The following SLCO6A1 variants were observed in gnomAD, a reference collection of about 807,000 sequenced individuals.
SLCO6A1 encodes the protein cancer/testis antigen 48.
Under a neutral mutation model 72.7 loss-of-function variants are expected in SLCO6A1, and 65 were observed. The observed-to-expected ratio is 0.89, with a 90% confidence interval of 0.73 to 1.10. The LOEUF (loss-of-function observed/expected upper bound fraction) is 1.10. Ranked by LOEUF, SLCO6A1 falls within the 50% of genes least tolerant of loss-of-function variation. SLCO6A1 has a pLI of 0.00. For synonymous variants in SLCO6A1, 314 were observed against 298.2 expected, an observed-to-expected ratio of 1.05 and a Z score of -0.55; for missense variants, 874 against 872.6, an observed-to-expected ratio of 1.00 and a Z score of -0.02.
At chr5:102,497,843 A>G (rs1210418610) in intron 1 of SLCO6A1, among the ~76,000 whole-genome samples, 1 of 152,234 alleles carries the variant, frequency 6.6e-6, no homozygotes, top group Non-Finnish European at 1.5e-5. Context: ...CTACAAGATT[A>G]GAAATTAAGG....
At chr5:102,460,912 A>G (rs1302808100) in intron 4 of SLCO6A1, among the ~76,000 whole-genome samples, 1 of 5,988 alleles carries the variant, frequency 1.7e-4, no homozygotes, top group South Asian at 4.1e-3. Context: ...ATATATATAT[A>G]TATATATATA....
chr5:102,456,324 T>C (rs1282123851), intron 6 of SLCO6A1, among the ~76,000 whole-genome samples: 1 of 152,178 alleles, frequency 6.6e-6, no homozygotes, highest in African/African-American at 2.4e-5. Flanking sequence ...TTGTCCCTGT[T>C]TGCAGATGAC....
intron 1 of SLCO6A1, among the ~76,000 whole-genome samples, chr5:102,480,897 T>C (rs1752162158): frequency 6.6e-6 from 1 of 152,228 alleles, no homozygotes; most frequent in Non-Finnish European, 1.5e-5. Flanking sequence ...ATTTAAAGTT[T>C]ACCAGTTTTT....
chr5:102,376,057 A>C (rs1745770126), intron 12 of SLCO6A1, among the ~76,000 whole-genome samples: 1 of 152,158 alleles, frequency 6.6e-6, no homozygotes, highest in East Asian at 1.9e-4. Flanking sequence ...AATCCAAATA[A>C]AAAGACATAT....
chr5:102,483,123 C>T (rs909521535), intron 1 of SLCO6A1, among the ~76,000 whole-genome samples: 4 of 151,664 alleles, frequency 2.6e-5, no homozygotes, highest in South Asian at 2.1e-4. Flanking sequence ...GGCTAATATT[C>T]GTATCTATCT....
intron 1 of SLCO6A1, among the ~76,000 whole-genome samples, chr5:102,486,794 T>C (rs1043846181): frequency 1.3e-4 from 20 of 152,108 alleles, no homozygotes; most frequent in African/African-American, 4.8e-4. Context: ...ACCCAAAAAT[T>C]CGTGTAAATA....
At chr5:102,431,041 G>A (rs1370437629) in intron 7 of SLCO6A1, among the ~76,000 whole-genome samples, 1 of 151,990 alleles carries the variant, frequency 6.6e-6, no homozygotes, top group Non-Finnish European at 1.5e-5. Flanking sequence ...ATGTGTCCAG[G>A]AATTTATTCA....
intron 4 of SLCO6A1, among the ~76,000 whole-genome samples, chr5:102,463,180 C>T (rs1751131008): frequency 6.6e-6 from 1 of 152,082 alleles, no homozygotes; most frequent in Admixed American, 6.6e-5. Flanking sequence ...CTCAATATCA[C>T]TGATTATCAA....
chr5:102,439,095 A>G (rs1749703987), intron 6 of SLCO6A1, among the ~76,000 whole-genome samples: 1 of 151,964 alleles, frequency 6.6e-6, no homozygotes, highest in African/African-American at 2.4e-5. Context: ...TTAACCATAT[A>G]TCTAGAATTT....
chr5:102,382,739 C>A (rs1746177607), intron 12 of SLCO6A1, among the ~76,000 whole-genome samples: 1 of 151,240 alleles, frequency 6.6e-6, no homozygotes, highest in African/African-American at 2.4e-5. Context: ...TCTTTTTTGA[C>A]ACTACCATAA....
chr5:102,378,885 G>A (rs1745957650), intron 12 of SLCO6A1, among the ~76,000 whole-genome samples: 1 of 152,014 alleles, frequency 6.6e-6, no homozygotes, highest in African/African-American at 2.4e-5. Flanking sequence ...GGGTTCAAGA[G>A]ATTCTCCTGC....
At chr5:102,468,396 G>A (rs1408867187) in intron 4 of SLCO6A1, among the ~76,000 whole-genome samples, 3 of 151,996 alleles carry the variant, frequency 2.0e-5, no homozygotes, top group Non-Finnish European at 4.4e-5. Context: ...TTGACTTTCT[G>A]TCTTGATGAC....
intron 8 of SLCO6A1, 82 bp downstream of exon 8, chr5:102,419,744 A>G (rs183799632): frequency 5.6e-6 from 6 of 1,069,894 alleles, no homozygotes; most frequent in Non-Finnish European, 8.1e-6. Context: ...TATAAGGGTT[A>G]CTGGATAGAT....
At position 102,491,016 on chromosome 5, in the gene SLCO6A1, T is replaced by G. The variant is rs565179143; in HGVS notation, c.358+7471A>C. On this transcript the variant is annotated intron_variant, in intron 1 of 13. Coordinates refer to ENST00000506729, the MANE Select transcript of SLCO6A1 (RefSeq NM_173488.5). ...CCATTTTACAGAGAGCCGAGTGGTC[T>G]GTTTTGGCAGGGCGCTGATTGGTGC... Among the ~76,000 whole-genome samples the G allele has an allele frequency of 1.1e-4, 17 of 152,272 alleles. No homozygotes were observed. In the East Asian group the frequency reaches 1.7e-3, roughly 16 times the overall value.
intron 9 of SLCO6A1, among the ~76,000 whole-genome samples, chr5:102,401,526 A>G (rs1747397365): frequency 6.6e-6 from 1 of 152,154 alleles, no homozygotes; most frequent in African/African-American, 2.4e-5. Flanking sequence ...AAAATAAAGT[A>G]CAAGACAATA....
At chr5:102,483,594 C>A (rs1026585694) in intron 1 of SLCO6A1, among the ~76,000 whole-genome samples, 1 of 152,140 alleles carries the variant, frequency 6.6e-6, no homozygotes, top group South Asian at 2.1e-4. Flanking sequence ...TTATGTTAAT[C>A]ATTCTGGGAA....
intron 8 of SLCO6A1, among the ~76,000 whole-genome samples, chr5:102,418,849 G>C (rs1280210778): frequency 6.6e-6 from 1 of 151,990 alleles, no homozygotes; most frequent in Non-Finnish European, 1.5e-5. Flanking sequence ...TGGGATTTCT[G>C]CTTGATTTTA....
At chr5:102,409,206 T>C (rs1187732769) in intron 9 of SLCO6A1, among the ~76,000 whole-genome samples, 1 of 151,516 alleles carries the variant, frequency 6.6e-6, no homozygotes, top group Non-Finnish European at 1.5e-5. Context: ...TCAGTTTTAG[T>C]ACAGCTGTAC....
In SLCO6A1 at chr5:102,419,941, C is replaced by A; in HGVS notation, c.1357G>T (p.Ala453Ser). Residue 453 changes from alanine to serine, a missense_variant, in exon 8 of 14, where the codon GCC (alanine) becomes TCC (serine). Ala to Ser is a moderately conservative substitution (Grantham distance 99). Coordinates refer to ENST00000506729, the MANE Select transcript of SLCO6A1 (RefSeq NM_173488.5). ...GTAACCATTATAAATCTCATAAGGG[C>A]TTTACAAGACATTTCTAATGTGGAA... is the stretch of plus-strand genomic sequence containing the variant. Reference protein sequence around the residue: ...IVSTLEMSCKALMRFIMVTSV... With the variant: ...IVSTLEMSCKSLMRFIMVTSV... 1 of 1,607,884 alleles carries A rather than the reference C, an allele frequency of 6.2e-7. No individual in the cohort carries two copies. Among genetic ancestry groups the A allele is most frequent in the Non-Finnish European group, 8.5e-7 (1 of 1,178,086 alleles).
Sources: gnomAD v4.1 joint callset for allele counts (sites outside exome capture counted in the v4.1 genomes callset) on GRCh38, gnomAD v4.1.1 for gene constraint, MANE v1.5 for transcripts, NCBI Gene and HGNC (gene_info 2026-07-23, HGNC 2026-07-21) for gene names.